Variants in ZGLP1 observed in about 807,000 individuals in gnomAD.
ZGLP1 encodes zinc finger GATA like protein 1.
Under a neutral mutation model 21.4 loss-of-function variants are expected in ZGLP1, and 11 were observed. The ratio of observed to expected loss-of-function variants is 0.51; its 90% CI spans 0.32 to 0.85. The LOEUF (loss-of-function observed/expected upper bound fraction) is 0.85, where lower values mean the gene tolerates loss of function less well. ZGLP1 is among the 40% of genes least tolerant of loss of function. The pLI is 0.03. For missense variants in ZGLP1, 295 were observed against 355.6 expected (o/e 0.83, Z 1.37); for synonymous variants, 148 against 145.0 (o/e 1.02, Z -0.15).
At chr19:10,308,805 C>T in exon 1 of ZGLP1, 2 of 879,648 alleles carry the variant, frequency 2.3e-6, no homozygotes, top group Non-Finnish European at 3.1e-6. Context: ...GTAGATCACC[C>T]AGGCAGGGAC....
At position 10,308,605 on chromosome 19, in the gene ZGLP1, G is replaced by A. The variant is rs778121003; in HGVS notation, c.77C>T (p.Pro26Leu). The change falls in exon 1 of 4, where the codon CCG becomes CTG. Residue 26 changes from proline (P) to leucine (L), a missense_variant. Pro to Leu is a moderately conservative substitution (Grantham distance 98). Around this residue, in one of 2 missense-constraint regions of ZGLP1, gnomAD observed 252 missense variants for 264.0 expected, o/e 0.95. Coordinates refer to ENST00000403903, the Ensembl canonical transcript of ZGLP1. ...TCTTGGGTGACTCCTGGGTTTAGCCGGCCAGGGGGTTCCAACTTGGGCCGG... is the reference window on the plus strand; with the variant it reads ...TCTTGGGTGACTCCTGGGTTTAGCCAGCCAGGGGGTTCCAACTTGGGCCGG... 15 of 1,549,248 alleles carry A rather than the reference G, an allele frequency of 9.7e-6. No individual in the cohort carries two copies. In the Admixed American group the frequency reaches 2.4e-4, roughly 25 times the overall value.
At position 10,305,618 on chromosome 19, in the gene ZGLP1, A is replaced by C; in HGVS notation, c.605-135T>G. 1.2e-6 allele frequency: 1 copy of C among 820,946 alleles called. No homozygotes were observed. The highest frequency in any genetic ancestry group is 2.0e-6 in the Non-Finnish European group (1 of 508,762). The allele number at this position is 820,946 out of a possible 1,614,324, so 50.9% of individuals were successfully genotyped here. On this transcript the variant is annotated intron_variant, in intron 2 of 3. Coordinates refer to ENST00000403903, the Ensembl canonical transcript of ZGLP1. This position sits in a 1 kb window ranked among gnomAD's most constrained non-coding sequence, Gnocchi z 4.7. ...CTCTGGATCAGCCCTGGGAGTTGCC[A>C]GCTCTAAGCCACAGCAAAGCCAGGA...
chr19:10,307,101 T>G (rs904186344), intron 1 of ZGLP1, among the ~76,000 whole-genome samples: 13 of 149,368 alleles, frequency 8.7e-5, no homozygotes, highest in African/African-American at 3.2e-4. Context: ...GTCATTGCAC[T>G]CCAGCCTGAA....
At chr19:10,307,647 T>C (rs1419083394) in intron 1 of ZGLP1, among the ~76,000 whole-genome samples, 1 of 152,088 alleles carries the variant, frequency 6.6e-6, no homozygotes, top group South Asian at 2.1e-4. Context: ...CCTGAGCAGC[T>C]GGGATTACAG....
exon 4 of ZGLP1, chr19:10,304,868 C>T: frequency 1.7e-6 from 1 of 578,826 alleles, no homozygotes; most frequent in Non-Finnish European, 3.1e-6. Flanking sequence ...GAGAGCGTCT[C>T]CTGAGGGGGC....
intron 1 of ZGLP1, 53 bp downstream of exon 2, chr19:10,308,132 G>T: frequency 6.6e-7 from 1 of 1,505,396 alleles, no homozygotes; most frequent in Non-Finnish European, 8.8e-7. Flanking sequence ...TCCCACACTG[G>T]TGTTTGCGTT....
chr19:10,306,036 G>C, intron 1 of ZGLP1, 84 bp from the exon 3 acceptor site: 2 of 1,004,166 alleles, frequency 2.0e-6, no homozygotes, highest in Admixed American at 5.4e-5. Context: ...TTAGTATCAA[G>C]GTATCAGCCA....
At position 10,305,806 on chromosome 19, in the gene ZGLP1, C is replaced by T. The variant is rs1371427004; in HGVS notation, c.604+40G>A. The T allele has an allele frequency of 1.4e-6, 2 of 1,462,620 alleles. No individual in the cohort carries two copies. Among genetic ancestry groups the T allele is most frequent in the East Asian group, 2.5e-5 (1 of 40,582 alleles). 90.6% of individuals were successfully genotyped at this position (1,462,620 alleles called of 1,614,324 possible). On this transcript the variant is annotated intron_variant, in intron 2 of 3. Transcript: ENST00000403903. This position sits in a 1 kb window ranked among gnomAD's most constrained non-coding sequence, Gnocchi z 4.7. ...AAAGGCAGGGAAGACAGGAAATTGGCCCCCAAAATATTTATAGCTCTTGGG... is the reference window on the plus strand; with the variant it reads ...AAAGGCAGGGAAGACAGGAAATTGGTCCCCAAAATATTTATAGCTCTTGGG...
rs1356956011 is a variant in ZGLP1, at chr19:10,305,671, A to G, written c.604+175T>C. ...GGAGACAGATGGCAGCATTCCGCAGAGGAGGAAGCTGGGGGTGGGGGTGAC... is the reference window on the plus strand; with the variant it reads ...GGAGACAGATGGCAGCATTCCGCAGGGGAGGAAGCTGGGGGTGGGGGTGAC... On this transcript the variant is annotated intron_variant, in intron 2 of 3. Transcript: ENST00000403903. The surrounding 1 kb of genome is among the most constrained non-coding windows in gnomAD (Gnocchi z 4.7). The G allele has an allele frequency of 1.4e-6, 1 of 733,106 alleles. No individual in the cohort carries two copies. Among genetic ancestry groups the G allele is most frequent in the Admixed American group, 2.2e-5 (1 of 44,830 alleles). The allele number at this position is 733,106 out of a possible 1,614,324, so 45.4% of individuals were successfully genotyped here.
chr19:10,307,798 G>A (rs746490951), intron 1 of ZGLP1, among the ~76,000 whole-genome samples: 1 of 152,242 alleles, frequency 6.6e-6, no homozygotes, highest in Non-Finnish European at 1.5e-5. Context: ...TTATAGGCGT[G>A]AGCCACTGTG....
At position 10,305,520 on chromosome 19, in the gene ZGLP1, C is replaced by A. The variant is rs1337097089; in HGVS notation, c.605-37G>T. Reference sequence around the variant, plus strand: ...GAGGTCAAAGGGCAGGGGTCAGAGGCCAAGCATGTGAGCTCGGGATGCCTG... The same window carrying A: ...GAGGTCAAAGGGCAGGGGTCAGAGGACAAGCATGTGAGCTCGGGATGCCTG... On this transcript the variant is annotated intron_variant, in intron 2 of 3. Coordinates refer to ENST00000403903, the Ensembl canonical transcript of ZGLP1. This position sits in a 1 kb window ranked among gnomAD's most constrained non-coding sequence, Gnocchi z 4.7. The A allele has an allele frequency of 6.5e-6, 10 of 1,549,894 alleles. No individual in the cohort carries two copies. The highest frequency in any genetic ancestry group is 8.8e-6 in the Non-Finnish European group (10 of 1,139,262).
intron 1 of ZGLP1, among the ~76,000 whole-genome samples, chr19:10,307,797 T>G (rs963792896): frequency 8.5e-5 from 13 of 152,370 alleles, no homozygotes; most frequent in African/African-American, 3.1e-4. Flanking sequence ...ATTATAGGCG[T>G]GAGCCACTGT....
chr19:10,306,871 C>T (rs925569790), intron 1 of ZGLP1, among the ~76,000 whole-genome samples: 2 of 152,094 alleles, frequency 1.3e-5, no homozygotes, highest in Non-Finnish European at 2.9e-5. Context: ...TGGCGGCTCA[C>T]TCCTGTAATC....
rs979809357 is a variant in ZGLP1, at chr19:10,305,938, C to G, written c.512G>C (p.Ser171Thr). ...ATCTGCAGGGGATTCCTGAGAACGG[C>G]TACTGCAGGGCAGGCTGTGGGGCAG... is the stretch of plus-strand genomic sequence containing the variant. Residue 171 changes from serine (S) to threonine (T), a missense_variant, in exon 2 of 4, where the codon AGC (serine) becomes ACC (threonine). By Grantham distance (58) the Ser-to-Thr change is moderately conservative. Coordinates refer to ENST00000403903, the Ensembl canonical transcript of ZGLP1. This position sits in a 1 kb window ranked among gnomAD's most constrained non-coding sequence, Gnocchi z 4.7. 2 of 1,560,806 alleles carry G rather than the reference C, an allele frequency of 1.3e-6. No individual in the cohort carries two copies. The highest frequency in any genetic ancestry group is 2.7e-5 in the African/African-American group (2 of 73,712).
At position 10,305,984 on chromosome 19, in the gene ZGLP1, G is replaced by T; in HGVS notation, c.498-32C>A. 3 of 1,466,860 alleles carry T rather than the reference G, an allele frequency of 2.0e-6. No homozygotes were observed. Among genetic ancestry groups the T allele is most frequent in the Non-Finnish European group, 2.8e-6 (3 of 1,075,136 alleles). The allele number at this position is 1,466,860 out of a possible 1,614,324, so 90.9% of individuals were successfully genotyped here. A position where few individuals can be genotyped will look rare whatever the true frequency, so the allele number is the denominator to read the frequency against. On this transcript the variant is annotated intron_variant, in intron 1 of 3. Transcript: ENST00000403903. This position sits in a 1 kb window ranked among gnomAD's most constrained non-coding sequence, Gnocchi z 4.7. Reference sequence around the variant, plus strand: ...GGCAGACAAGGTATTAGCACTGGGGGGGATCTGTAGCTTGTCCCCAACAGC... The same window carrying T: ...GGCAGACAAGGTATTAGCACTGGGGTGGATCTGTAGCTTGTCCCCAACAGC...
intron 1 of ZGLP1, among the ~76,000 whole-genome samples, chr19:10,307,522 T>G (rs927285100): frequency 6.6e-6 from 1 of 150,782 alleles, no homozygotes; most frequent in African/African-American, 2.4e-5. Context: ...GCTAGTTTTT[T>G]TTTTTTTTTT....
At chr19:10,308,079 G>C in intron 1 of ZGLP1, 106 bp downstream of exon 2, 1 of 1,443,542 alleles carries the variant, frequency 6.9e-7, no homozygotes, top group East Asian at 2.3e-5. Flanking sequence ...GTAACGTAGA[G>C]CACAGGTGAG....
At chr19:10,304,948 T>TC (rs973594496) in exon 4 of ZGLP1, 10 of 676,604 alleles carry the variant, frequency 1.5e-5, no homozygotes, top group East Asian at 1.1e-4. Flanking sequence ...GCCTGGGTCT[T>TC]CCCCCGGGAT....
chr19:10,306,713 G>A (rs1048381113), intron 1 of ZGLP1, among the ~76,000 whole-genome samples: 1 of 152,090 alleles, frequency 6.6e-6, no homozygotes, highest in Non-Finnish European at 1.5e-5. Flanking sequence ...TAGTTGGGAG[G>A]CTGAGGAGGG....
Sources: allele counts gnomAD v4.1 joint callset (sites outside exome capture counted in the v4.1 genomes callset), GRCh38; gene constraint gnomAD v4.1.1; regional missense constraint gnomAD v4.1.1; non-coding constraint Gnocchi (gnomAD v3.1); transcripts MANE v1.5; gene names NCBI Gene and HGNC (gene_info 2026-07-23, HGNC 2026-07-21).